Variants in EYS observed in about 807,000 individuals in gnomAD.
EYS encodes the protein EGF-like photoreceptor maintenance factor, also known as protein eyes shut homolog.
In EYS, 250 loss-of-function variants were observed where a neutral mutation model predicts 282.1. The observed-to-expected ratio is 0.89, with a 90% CI of 0.80 to 0.98. EYS has a LOEUF of 0.98. Among genes scored for constraint, EYS ranks in the 50% least tolerant of loss-of-function variants. EYS has a pLI of 0.00. For synonymous variants in EYS, 1,355 were observed against 1,282.9 expected (o/e 1.06, Z -1.20); for missense variants, 4,016 against 3,709.0 (o/e 1.08, Z -2.15).
chr6:65,604,348 G>T (rs1765709745), intron 2 of EYS, among the ~76,000 whole-genome samples: 1 of 151,942 alleles, frequency 6.6e-6, no homozygotes, highest in African/African-American at 2.4e-5. Flanking sequence ...CAATGTTGAT[G>T]TGCGGGCAAT....
chr6:63,954,741 C>G (rs1391529499), intron 35 of EYS, among the ~76,000 whole-genome samples: 2 of 152,224 alleles, frequency 1.3e-5, no homozygotes, highest in African/African-American at 4.8e-5. Flanking sequence ...ACCTATCAAT[C>G]TCTTCCCACA....
At chr6:64,704,026 C>T (rs1228926818) in intron 22 of EYS, among the ~76,000 whole-genome samples, 1 of 151,820 alleles carries the variant, frequency 6.6e-6, no homozygotes, top group East Asian at 1.9e-4. Context: ...AACAGTTCTA[C>T]ATCTAATAAT....
intron 2 of EYS, among the ~76,000 whole-genome samples, chr6:65,612,548 C>T (rs527435544): frequency 9.2e-5 from 14 of 151,766 alleles, no homozygotes; most frequent in African/African-American, 3.4e-4. Flanking sequence ...TCCTAACCCT[C>T]TGGAAAAATA....
intron 10 of EYS, among the ~76,000 whole-genome samples, chr6:65,343,288 G>T (rs1770266064): frequency 6.6e-6 from 1 of 151,170 alleles, no homozygotes. Flanking sequence ...TTACTGAAAT[G>T]TATACAATAT....
At chr6:65,503,890 G>C (rs568552500) in intron 2 of EYS, among the ~76,000 whole-genome samples, 5 of 151,750 alleles carry the variant, frequency 3.3e-5, no homozygotes, top group African/African-American at 1.2e-4. Context: ...ATAAGGCAGA[G>C]TGTATTCTCC....
At chr6:64,745,620 T>C (rs1772533485) in intron 22 of EYS, among the ~76,000 whole-genome samples, 1 of 152,166 alleles carries the variant, frequency 6.6e-6, no homozygotes, top group Non-Finnish European at 1.5e-5. Context: ...ATGGTACCAC[T>C]ATGTATAAAA....
intron 22 of EYS, among the ~76,000 whole-genome samples, chr6:64,701,780 T>G (rs578136602): frequency 6.6e-6 from 1 of 152,106 alleles, no homozygotes; most frequent in South Asian, 2.1e-4. Context: ...AAGCCCAGAC[T>G]TCACTATACA....
intron 14 of EYS, among the ~76,000 whole-genome samples, chr6:64,984,956 A>T (rs1189810556): frequency 1.3e-5 from 2 of 151,522 alleles, no homozygotes; most frequent in East Asian, 3.9e-4. Flanking sequence ...ACATTCAGAC[A>T]ATCTAAAAAC....
chr6:65,060,928 G>A (rs1328693601), intron 12 of EYS, among the ~76,000 whole-genome samples: 1 of 151,570 alleles, frequency 6.6e-6, no homozygotes, highest in Non-Finnish European at 1.5e-5. Flanking sequence ...TTAAATGAAT[G>A]AAAAATTAAC....
intron 26 of EYS, among the ~76,000 whole-genome samples, chr6:64,519,430 T>C (rs2150524613): frequency 6.6e-6 from 1 of 151,894 alleles, no homozygotes; most frequent in Non-Finnish European, 1.5e-5. Flanking sequence ...AGCATAAATG[T>C]TGAATGAAGA....
At chr6:65,489,165 G>T (rs977883966) in intron 5 of EYS, among the ~76,000 whole-genome samples, 4 of 152,146 alleles carry the variant, frequency 2.6e-5, no homozygotes, top group African/African-American at 4.8e-5. Flanking sequence ...CACAGCAAAA[G>T]AAATTGTCAT....
chr6:64,482,015 G>A (rs1776450934), intron 26 of EYS, among the ~76,000 whole-genome samples: 1 of 151,638 alleles, frequency 6.6e-6, no homozygotes, highest in South Asian at 2.1e-4. Flanking sequence ...GGTGAGCTCA[G>A]GTTTGGTTAA....
At chr6:64,997,178 G>T (rs185554931) in intron 14 of EYS, among the ~76,000 whole-genome samples, 118 of 152,170 alleles carry the variant, frequency 7.8e-4, no homozygotes, top group Non-Finnish European at 1.4e-3. Flanking sequence ...ATGAGATGGA[G>T]GTCAGAGTGA....
intron 41 of EYS, among the ~76,000 whole-genome samples, chr6:63,759,031 A>C (rs1769566454): frequency 6.6e-6 from 1 of 152,108 alleles, no homozygotes; most frequent in Admixed American, 6.6e-5. Flanking sequence ...TGAGGGAGGA[A>C]ACTTCAGCCA....
At chr6:64,762,413 C>T (rs1403778521) in intron 22 of EYS, among the ~76,000 whole-genome samples, 1 of 152,074 alleles carries the variant, frequency 6.6e-6, no homozygotes, top group Non-Finnish European at 1.5e-5. Context: ...TCATGGAGTC[C>T]CTGAAAACCC....
chr6:64,507,714 G>A (rs142919774), intron 26 of EYS, among the ~76,000 whole-genome samples: 5 of 151,280 alleles, frequency 3.3e-5, no homozygotes, highest in Admixed American at 6.6e-5. Context: ...GAAACTTGGA[G>A]GGAGGAAGAG....
intron 22 of EYS, among the ~76,000 whole-genome samples, chr6:64,765,799 C>T (rs997815971): frequency 6.6e-6 from 1 of 152,048 alleles, no homozygotes; most frequent in African/African-American, 2.4e-5. Flanking sequence ...AAATCTGCCC[C>T]CCATGATCCA....
intron 35 of EYS, among the ~76,000 whole-genome samples, chr6:63,954,928 G>T (rs1582025735): frequency 6.6e-6 from 1 of 152,232 alleles, no homozygotes; most frequent in African/African-American, 2.4e-5. Context: ...TAACTTCTCA[G>T]TGTTCTGTCT....
rs114996590 is a variant in EYS, at chr6:63,931,800, T to G, written c.7055+52583A>C. Among the ~76,000 whole-genome samples the G allele has an allele frequency of 9.3e-4, 140 of 150,532 alleles. 1 individual carries two copies. Among genetic ancestry groups the G allele is most frequent in the African/African-American group, 3.3e-3 (136 of 41,428 alleles). ...TGAATATTTAACAATTTCTTTTCTG[T>G]TTTTTTAAAGCATATAATAAATTAT... On this transcript the variant is annotated intron_variant, in intron 35 of 42. Transcript: ENST00000503581.
Sources: allele counts gnomAD v4.1 joint callset (sites outside exome capture counted in the v4.1 genomes callset), GRCh38; gene constraint gnomAD v4.1.1; transcripts MANE v1.5; gene names NCBI Gene and HGNC (gene_info 2026-07-23, HGNC 2026-07-21).